IDI1: variants seen among roughly 807,000 people sequenced by gnomAD.
IDI1 encodes the protein isopentenyl-diphosphate Delta-isomerase 1.
IDI1 carries 23 observed loss-of-function variants against 32.9 expected under a neutral mutation model. That is an observed-to-expected ratio of 0.70 (90% CI 0.50 to 0.99). The LOEUF (loss-of-function observed/expected upper bound fraction) is 0.99. Among genes scored for constraint, IDI1 ranks in the 50% least tolerant of loss-of-function variants. The probability of loss-of-function intolerance (pLI) is 0.00; values close to 1 mark genes in which losing one functional copy is unlikely to be tolerated. For missense variants in IDI1, 326 were observed against 351.9 expected (o/e 0.93, Z 0.59); for synonymous variants, 133 against 128.2 (o/e 1.04, Z -0.25).
chr10:1,041,804 T>C (rs1832601172), intron 4 of IDI1, among the ~76,000 whole-genome samples: 2 of 144,490 alleles, frequency 1.4e-5, no homozygotes, highest in Non-Finnish European at 3.1e-5. Context: ...ATTCTTCTTT[T>C]TCTTCTTTTT....
At chr10:1,056,015 GCC>G in the IDI1 span, among the ~76,000 whole-genome samples, 1 of 152,158 alleles carries the variant, frequency 6.6e-6, no homozygotes, top group Admixed American at 6.5e-5. Flanking sequence ...CACCATGTTG[GCC>G]AGGCTGGTCT....
Position 1,040,931 on chromosome 10 carries a change from C to T in IDI1, c.*256G>A, listed in dbSNP as rs887172004. The T allele has an allele frequency of 2.6e-5, 9 of 347,710 alleles. No homozygotes were observed. The highest frequency in any genetic ancestry group is 1.3e-4 in the African/African-American group (6 of 47,572). 21.5% of individuals were successfully genotyped at this position (347,710 alleles called of 1,614,324 possible). A position where few individuals can be genotyped will look rare whatever the true frequency, so the allele number is the denominator to read the frequency against. On this transcript the variant is annotated 3_prime_UTR_variant, in exon 5 of 5. Coordinates refer to ENST00000381344, the MANE Select transcript of IDI1 (RefSeq NM_004508.4). ...AAGATTAAATTAAGTTTTATTTGCT[C>T]GCTCTCATTTTACAATAATCTCTCA...
At chr10:1,042,055 C>T (rs2131571785) in intron 4 of IDI1, among the ~76,000 whole-genome samples, 1 of 152,262 alleles carries the variant, frequency 6.6e-6, no homozygotes, top group Non-Finnish European at 1.5e-5. Flanking sequence ...GATCCACCTG[C>T]CTCAGCCTCC....
Position 1,042,759 on chromosome 10 carries a change from CA to C in IDI1, c.409del (p.Cys137ValfsTer11). ...RSDAKITFPG[C>X]FTNTCCSHPL... ...ATGACTACAACACGTATTCGTAAAA[CA>C]ACCTGGAAAATGGTAATACAGAGAC... On this transcript the variant is annotated frameshift_variant and splice_region_variant, in exon 4 of 5. Transcript: ENST00000381344. LOFTEE classifies it high-confidence loss of function. 3.1e-6 allele frequency: 5 copies of C among 1,613,580 alleles called. No homozygotes were observed. The highest frequency in any genetic ancestry group is 4.2e-6 in the Non-Finnish European group (5 of 1,179,682).
At chr10:1,043,434 C>T in intron 2 of IDI1, 41 bp from the exon 3 acceptor site, 1 of 1,284,458 alleles carries the variant, frequency 7.8e-7, no homozygotes, top group Non-Finnish European at 1.1e-6. Context: ...GCCTTAAGTA[C>T]CAGTTATTTG....
intron 1 of IDI1, chr10:1,048,454 TGTC>T (rs1471933597): frequency 3.1e-5 from 40 of 1,270,314 alleles, no homozygotes; most frequent in Non-Finnish European, 3.7e-5. Context: ...GGGAGGCCGG[TGTC>T]GTCACGCTCG....
At chr10:1,050,883 G>C (rs1190273469), upstream of IDI1, among the ~76,000 whole-genome samples, 1 of 152,220 alleles carries the variant, frequency 6.6e-6, no homozygotes, top group Non-Finnish European at 1.5e-5. Context: ...ATGTTACAAA[G>C]AAATGAATGA....
At chr10:1,042,890 C>T in intron 3 of IDI1, 128 bp from the exon 4 acceptor site, 1 of 723,930 alleles carries the variant, frequency 1.4e-6, no homozygotes, top group Non-Finnish European at 2.3e-6. Context: ...TTATAATGGG[C>T]TATCAGTAAT....
chr10:1,042,391 A>C (rs1832628033), intron 4 of IDI1, among the ~76,000 whole-genome samples: 1 of 152,168 alleles, frequency 6.6e-6, no homozygotes, highest in African/African-American at 2.4e-5. Flanking sequence ...AATTATAGAA[A>C]TATTCAACCT....
chr10:1,045,143 T>C (rs1352978523), intron 1 of IDI1, among the ~76,000 whole-genome samples: 1 of 152,262 alleles, frequency 6.6e-6, no homozygotes, highest in East Asian at 1.9e-4. Context: ...ATTCCTACCT[T>C]AGTGCATCAA....
At chr10:1,050,500 A>G (rs969350879), upstream of IDI1, among the ~76,000 whole-genome samples, 4 of 152,270 alleles carry the variant, frequency 2.6e-5, no homozygotes, top group African/African-American at 9.6e-5. Context: ...AAAATCACTA[A>G]GCTTCTAAAG....
upstream of IDI1, among the ~76,000 whole-genome samples, chr10:1,049,850 C>G (rs1030469042): frequency 6.6e-6 from 1 of 152,116 alleles, no homozygotes; most frequent in Non-Finnish European, 1.5e-5. Context: ...GACGGGTTTC[C>G]GCATGTTGGT....
intron 1 of IDI1, among the ~76,000 whole-genome samples, chr10:1,045,270 T>C (rs1382119312): frequency 1.3e-5 from 2 of 152,254 alleles, no homozygotes; most frequent in East Asian, 3.8e-4. Flanking sequence ...CAGCAGCGTC[T>C]AAGCTTTCTA....
chr10:1,050,260 C>CA (rs1389074726), upstream of IDI1, among the ~76,000 whole-genome samples: 1 of 152,152 alleles, frequency 6.6e-6, no homozygotes, highest in Non-Finnish European at 1.5e-5. Context: ...CTTTTCCAGA[C>CA]AAAAAACAGA....
Position 1,044,049 on chromosome 10 carries a change from A to G in IDI1, c.263T>C (p.Ile88Thr), listed in dbSNP as rs758328751. ...ACAATTCTTCTTGGTCTCAGCTCCAATTTTATTGTCATTTTCATCAATAAG... is the reference window on the plus strand; with the variant it reads ...ACAATTCTTCTTGGTCTCAGCTCCAGTTTTATTGTCATTTTCATCAATAAG... ...CILIDENDNK[I>T]GAETKKNCHL... Residue 88 changes from isoleucine to threonine, a missense_variant, in exon 2 of 5, where the codon ATT (isoleucine) becomes ACT (threonine). Ile to Thr is a moderately conservative substitution (Grantham distance 89, BLOSUM62 -1). Coordinates refer to ENST00000381344, the MANE Select transcript of IDI1 (RefSeq NM_004508.4). The G allele has an allele frequency of 6.2e-7, 1 of 1,613,356 alleles. No homozygotes were observed. Among genetic ancestry groups the G allele is most frequent in the South Asian group, 1.1e-5 (1 of 90,988 alleles).
chr10:1,050,107 C>A (rs1322151776), upstream of IDI1, among the ~76,000 whole-genome samples: 1 of 152,196 alleles, frequency 6.6e-6, no homozygotes. Context: ...CGCTTGCACT[C>A]TCTTAAAATG....
Position 1,042,619 on chromosome 10 carries a change from G to A in IDI1, c.537+13C>T. On this transcript the variant is annotated intron_variant, in intron 4 of 4. Coordinates refer to ENST00000381344, the MANE Select transcript of IDI1 (RefSeq NM_004508.4). ...GGTTTCAGCTTGTATGGTTGTGTAG[G>A]AGAGCTGGTTACCTCTTCCAAGGGA... The A allele has an allele frequency of 6.2e-7, 1 of 1,613,380 alleles. No homozygotes were observed. Among genetic ancestry groups the A allele is most frequent in the South Asian group, 1.1e-5 (1 of 91,046 alleles).
Position 1,045,894 on chromosome 10 carries a change from T to A in IDI1, c.141-1723A>T, listed in dbSNP as rs1244249856. ...GTGTGTGTGTGTGTGTGTGTGTGTG[T>A]GAATGCGTGTGTCAGGAGTCAGTGA... On this transcript the variant is annotated intron_variant, in intron 1 of 4. Transcript: ENST00000381344. Among the ~76,000 whole-genome samples the A allele has an allele frequency of 2.8e-5, 4 of 145,258 alleles. No homozygotes were observed. The South Asian group carries it at 6.6e-4, about 24-fold the overall frequency.
At chr10:1,048,625 G>C in intron 1 of IDI1, 1 of 1,405,336 alleles carries the variant, frequency 7.1e-7, no homozygotes, top group South Asian at 1.5e-5. Context: ...GAATGGCAAC[G>C]TCTCTGACGC....
Sources: gnomAD v4.1 joint callset for allele counts (sites outside exome capture counted in the v4.1 genomes callset) on GRCh38, gnomAD v4.1.1 for gene constraint, MANE v1.5 for transcripts, NCBI Gene and HGNC (gene_info 2026-07-23, HGNC 2026-07-21) for gene names.